Variants in IFT88 observed in about 807,000 individuals in gnomAD.
IFT88 encodes intraflagellar transport 88, also known as intraflagellar transport protein 88 homolog.
IFT88 carries 74 observed loss-of-function variants against 119.5 expected under a neutral mutation model. The observed-to-expected ratio is 0.62, with a 90% CI of 0.51 to 0.75. IFT88 has a LOEUF of 0.75. Ranked by LOEUF, IFT88 falls within the 30% of genes least tolerant of loss-of-function variation. IFT88 has a pLI of 0.00. For missense variants in IFT88, 961 were observed against 977.7 expected (o/e 0.98, Z 0.23); for synonymous variants, 279 against 316.7 (o/e 0.88, Z 1.26).
At chr13:20,647,489 C>T (rs1288987927) in intron 20 of IFT88, among the ~76,000 whole-genome samples, 2 of 152,102 alleles carry the variant, frequency 1.3e-5, no homozygotes, top group East Asian at 3.8e-4. Context: ...AACTCCTTGC[C>T]TTGCTGTATC....
chr13:20,617,419 A>AGAAGTCAAACAAAGCCGATACGT (rs1156937267), intron 14 of IFT88, among the ~76,000 whole-genome samples: 2 of 152,210 alleles, frequency 1.3e-5, no homozygotes, highest in African/African-American at 4.8e-5. Context: ...CTGAGAAAAG[A>AGAAGTCAAACAAAGCCGATACGT]GAAGTCAAAC....
intron 20 of IFT88, 33 bp downstream of exon 20, chr13:20,644,991 A>G: frequency 1.9e-6 from 2 of 1,027,338 alleles, no homozygotes. Context: ...TGTTTAGTTA[A>G]TGTCATGTCT....
rs372790794 is a variant in IFT88 at position 20,583,166 on chromosome 13, A to C, written c.153+147A>C. 345 of 527,152 alleles carry C rather than the reference A, an allele frequency of 6.5e-4. 4 individuals are homozygous for C. The highest frequency in any genetic ancestry group is 5.8e-3 in the African/African-American group (310 of 53,102). 32.7% of individuals were successfully genotyped at this position (527,152 alleles called of 1,614,324 possible). A position where few individuals can be genotyped will look rare whatever the true frequency, so the allele number is the denominator to read the frequency against. ...GATGGTAGTGAAACAGATCTTCAGA[A>C]GTTTTTCATCTTGTATATATGAAAG... On this transcript the variant is annotated intron_variant, in intron 3 of 25. Coordinates refer to ENST00000351808, the MANE Select transcript of IFT88 (RefSeq NM_006531.5).
At chr13:20,590,883 T>A in intron 4 of IFT88, 84 bp from the exon 5 acceptor site, 1 of 908,570 alleles carries the variant, frequency 1.1e-6, no homozygotes, top group Admixed American at 2.1e-5. Flanking sequence ...GCCGATAGAA[T>A]GAAGAAAACT....
chr13:20,641,086 GCTGTGAGC>G (rs2049877723), intron 17 of IFT88, among the ~76,000 whole-genome samples, 196 bp from the exon 18 acceptor site: 1 of 152,186 alleles, frequency 6.6e-6, no homozygotes. Flanking sequence ...GGTCGAGGCT[GCTGTGAGC>G]CATGTTTGTG....
At chr13:20,605,483 CAATT>C in intron 13 of IFT88, among the ~76,000 whole-genome samples, 1 of 152,244 alleles carries the variant, frequency 6.6e-6, no homozygotes, top group East Asian at 1.9e-4. Flanking sequence ...TCCTGCCTCA[CAATT>C]AAGGATCAGC....
rs768852168 is a variant in IFT88, at chr13:20,656,431, G to A, written c.2068+1G>A. 3.4e-6 allele frequency: 5 copies of A among 1,453,372 alleles called. No homozygotes were observed. The highest frequency in any genetic ancestry group is 4.7e-6 in the Non-Finnish European group (5 of 1,057,106). 90.0% of individuals were successfully genotyped at this position (1,453,372 alleles called of 1,614,324 possible). A position where few individuals can be genotyped will look rare whatever the true frequency, so the allele number is the denominator to read the frequency against. ...AGAAAATTTCCAGAAAATGTCGAATGTAAGTGGCATTACATAATGTAACTT... is the reference window on the plus strand; with the variant it reads ...AGAAAATTTCCAGAAAATGTCGAATATAAGTGGCATTACATAATGTAACTT... On this transcript the variant is annotated splice_donor_variant, in intron 22 of 25. Transcript: ENST00000351808. LOFTEE classifies it high-confidence loss of function.
At position 20,640,579 on chromosome 13, in the gene IFT88, TAAATAAATAAATA is replaced by T. The variant is rs2049762917; in HGVS notation, c.1574-708_1574-696del. Among the ~76,000 whole-genome samples the T allele has an allele frequency of 4.8e-5, 4 of 83,736 alleles. No homozygotes were observed. The Admixed American group carries it at 7.1e-4, about 15-fold the overall frequency. 54.9% of individuals were successfully genotyped at this position (83,736 alleles called of 152,430 possible). On this transcript the variant is annotated intron_variant, in intron 17 of 25. Transcript: ENST00000351808. ...CAGAGCGACTCCGTCTCAAAATAAA[TAAATAAATAAATA>T]AATAAATAAATAAATAAATACAAAT...
At chr13:20,685,080 T>C (rs182684774) in intron 24 of IFT88, among the ~76,000 whole-genome samples, 1 of 152,346 alleles carries the variant, frequency 6.6e-6, no homozygotes, top group East Asian at 1.9e-4. Context: ...GTGCTAAGCA[T>C]TGCTTCTATA....
chr13:20,572,802 G>A (rs2036637490), intron 1 of IFT88, among the ~76,000 whole-genome samples: 1 of 152,028 alleles, frequency 6.6e-6, no homozygotes, highest in Non-Finnish European at 1.5e-5. Context: ...CCCAAGAAGC[G>A]ATCTCAGTTC....
chr13:20,670,441 G>A (rs375923757), intron 23 of IFT88, among the ~76,000 whole-genome samples: 1 of 151,234 alleles, frequency 6.6e-6, no homozygotes, highest in African/African-American at 2.4e-5. Context: ...TAAGAAAGTA[G>A]ACTGTTGGAC....
At chr13:20,579,327 T>C (rs1378624541) in intron 2 of IFT88, among the ~76,000 whole-genome samples, 1 of 152,012 alleles carries the variant, frequency 6.6e-6, no homozygotes, top group East Asian at 1.9e-4. Flanking sequence ...TGGTGCTCTA[T>C]TCTTCTGCTG....
chr13:20,681,315 C>T (rs1169667025), intron 24 of IFT88, among the ~76,000 whole-genome samples: 1 of 152,210 alleles, frequency 6.6e-6, no homozygotes, highest in Non-Finnish European at 1.5e-5. Context: ...AATGTATCTA[C>T]ACATACATGC....
intron 20 of IFT88, among the ~76,000 whole-genome samples, chr13:20,647,397 T>G (rs1387100141): frequency 1.3e-5 from 2 of 152,184 alleles, no homozygotes; most frequent in Non-Finnish European, 2.9e-5. Flanking sequence ...TTATGTCACA[T>G]AGTTCTTTAC....
At chr13:20,663,201 C>T in intron 22 of IFT88, 1 of 1,311,670 alleles carries the variant, frequency 7.6e-7, no homozygotes, top group East Asian at 4.3e-5. Context: ...AGAACATTAA[C>T]AAATGTTACA....
At chr13:20,650,254 C>G (rs2051401714) in intron 20 of IFT88, among the ~76,000 whole-genome samples, 1 of 152,092 alleles carries the variant, frequency 6.6e-6, no homozygotes, top group Non-Finnish European at 1.5e-5. Flanking sequence ...AATTTAGCCA[C>G]ATATTAAAAG....
intron 14 of IFT88, among the ~76,000 whole-genome samples, chr13:20,623,896 C>T (rs915636546): frequency 6.6e-6 from 1 of 152,096 alleles, no homozygotes; most frequent in African/African-American, 2.4e-5. Flanking sequence ...GCACTGTTGT[C>T]GATGGAATTG....
rs2050810971 is a variant in IFT88 at position 20,646,724 on chromosome 13, T to C, written c.1949+1766T>C. Among the ~76,000 whole-genome samples, 3 of 151,954 alleles carry C rather than the reference T, an allele frequency of 2.0e-5. No individual in the cohort carries two copies. In the South Asian group the frequency reaches 6.2e-4, roughly 32 times the overall value. ...TCCAGTGCATTTTTCTTTGGTGATA[T>C]TGAGACCTCCCCTCTTGACCTTCCC... On this transcript the variant is annotated intron_variant, in intron 20 of 25. Transcript: ENST00000351808.
chr13:20,649,048 A>G (rs2497499), intron 20 of IFT88, among the ~76,000 whole-genome samples: 24,932 of 152,174 alleles, frequency 0.16, 2,390 homozygotes, highest in African/African-American at 0.25. Context: ...TAAAGGGTGA[A>G]ATAGACCTCA....
Sources: allele counts gnomAD v4.1 joint callset (sites outside exome capture counted in the v4.1 genomes callset), GRCh38; gene constraint gnomAD v4.1.1; transcripts MANE v1.5; gene names NCBI Gene and HGNC (gene_info 2026-07-23, HGNC 2026-07-21).